ASB3: variants seen among roughly 807,000 people sequenced by gnomAD.
ASB3 encodes the protein ankyrin repeat and SOCS box protein 3.
ASB3 carries 41 observed loss-of-function variants against 54.5 expected under a neutral mutation model. The ratio of observed to expected loss-of-function variants is 0.75; its 90% CI spans 0.59 to 0.98. The LOEUF is 0.98. ASB3 is among the 50% of genes least tolerant of loss of function. ASB3 has a pLI of 0.00. For missense variants in ASB3, 733 were observed against 620.0 expected, an observed-to-expected ratio of 1.18 and a Z score of -1.94; for synonymous variants, 266 against 221.2, an observed-to-expected ratio of 1.20 and a Z score of -1.80.
In ASB3 at chr2:53,685,732, T is replaced by C. The variant is rs181422470; in HGVS notation, c.1369+8152A>G. Among the ~76,000 whole-genome samples, 8 of 152,282 alleles carry C rather than the reference T, an allele frequency of 5.3e-5. No individual in the cohort carries two copies. The East Asian group carries it at 1.3e-3, about 26-fold the overall frequency. Reference sequence around the variant, plus strand: ...AGATGAATTCTGCACCAACTATGAATCTCTATCCAAAAAACATGAACCATG... The same window carrying C: ...AGATGAATTCTGCACCAACTATGAACCTCTATCCAAAAAACATGAACCATG... On this transcript the variant is annotated intron_variant, in intron 9 of 9. Coordinates refer to ENST00000263634, the MANE Select transcript of ASB3 (RefSeq NM_016115.5).
At chr2:53,784,242 C>T (rs2692534) in intron 1 of ASB3, among the ~76,000 whole-genome samples, 50,994 of 151,954 alleles carry the variant, frequency 0.34, 8,788 homozygotes, top group South Asian at 0.49. Context: ...AAGACTTGTA[C>T]TGATTGATGT....
At chr2:53,774,433 C>T in intron 1 of ASB3, 1 of 1,610,834 alleles carries the variant, frequency 6.2e-7, no homozygotes, top group Non-Finnish European at 8.5e-7. Context: ...TATTAGGAAC[C>T]TTGTGCCAGA....
At chr2:53,717,668 G>A (rs113505839) in intron 5 of ASB3, among the ~76,000 whole-genome samples, 22 of 152,188 alleles carry the variant, frequency 1.4e-4, no homozygotes, top group African/African-American at 4.1e-4. Flanking sequence ...GATCACAGTC[G>A]TGTTCCCGCA....
intron 1 of ASB3, among the ~76,000 whole-genome samples, chr2:53,784,900 C>T (rs917789117): frequency 6.6e-6 from 1 of 152,188 alleles, no homozygotes; most frequent in Non-Finnish European, 1.5e-5. Flanking sequence ...ATCAATTTTC[C>T]ACACAGCAGC....
chr2:53,760,386 A>C (rs1239952662), intron 2 of ASB3, among the ~76,000 whole-genome samples: 1 of 152,118 alleles, frequency 6.6e-6, no homozygotes, highest in Non-Finnish European at 1.5e-5. Flanking sequence ...GGGTCACCAG[A>C]AAGAAAAGAA....
In ASB3 at chr2:53,670,526, G is replaced by T. The variant is rs185364119; in HGVS notation, c.1534C>A (p.Leu512Met). 8.9e-5 allele frequency: 143 copies of T among 1,613,694 alleles called. No individual in the cohort carries two copies. In the East Asian group the frequency reaches 3.1e-3, roughly 34 times the overall value. ...ATTTATCCATCTTGAATAGCTGCCA[G>T]TTCTGGAACTTCATACATCCTCAGA... ...DVLRMYEVPE[L>M]AAIQDG is the part of the protein sequence containing the mutation. Residue 512 changes from leucine to methionine, a missense_variant, in exon 10 of 10, where the codon CTG becomes ATG. Leu to Met is a conservative substitution (Grantham distance 15, BLOSUM62 2). Coordinates refer to ENST00000263634, the MANE Select transcript of ASB3 (RefSeq NM_016115.5).
At chr2:53,695,013 C>G (rs186153081) in intron 8 of ASB3, among the ~76,000 whole-genome samples, 7 of 151,616 alleles carry the variant, frequency 4.6e-5, no homozygotes, top group African/African-American at 1.7e-4. Context: ...TTCAATTAGA[C>G]CCCCCCTACC....
chr2:53,751,051 T>C (rs1672484648), intron 2 of ASB3, 110 bp from the exon 3 acceptor site: 2 of 1,254,464 alleles, frequency 1.6e-6, no homozygotes, highest in Non-Finnish European at 2.1e-6. Flanking sequence ...GTAAGTAATG[T>C]ATAAATGACA....
At chr2:53,777,286 CATT>C (rs1209175029) in intron 1 of ASB3, among the ~76,000 whole-genome samples, 2 of 152,190 alleles carry the variant, frequency 1.3e-5, no homozygotes, top group Admixed American at 6.5e-5. Context: ...ACCACCCAAT[CATT>C]ATAGTATCAA....
intron 2 of ASB3, among the ~76,000 whole-genome samples, chr2:53,758,584 C>T (rs1422566138): frequency 6.6e-6 from 1 of 152,176 alleles, no homozygotes; most frequent in East Asian, 1.9e-4. Flanking sequence ...ATTGGGCATG[C>T]TGGTAAAGGA....
intron 8 of ASB3, among the ~76,000 whole-genome samples, chr2:53,695,107 T>C (rs1367186829): frequency 1.3e-5 from 2 of 152,116 alleles, no homozygotes; most frequent in African/African-American, 2.4e-5. Flanking sequence ...GTCACCTCTT[T>C]GGAGGTATTA....
At chr2:53,711,672 G>A (rs1424981922) in intron 7 of ASB3, among the ~76,000 whole-genome samples, 3 of 152,154 alleles carry the variant, frequency 2.0e-5, no homozygotes, top group Non-Finnish European at 4.4e-5. Context: ...TACTTGGGTG[G>A]CTGAGACAAG....
Position 53,700,155 on chromosome 2 carries a change from C to T in ASB3, c.1238+116G>A, listed in dbSNP as rs187962059. 65 of 1,471,830 alleles carry T rather than the reference C, an allele frequency of 4.4e-5. 1 individual carries two copies. The African/African-American group carries it at 7.6e-4, about 17-fold the overall frequency. 91.2% of individuals were successfully genotyped at this position (1,471,830 alleles called of 1,614,324 possible). A position where few individuals can be genotyped will look rare whatever the true frequency, so the allele number is the denominator to read the frequency against. On this transcript the variant is annotated intron_variant, in intron 8 of 9. Coordinates refer to ENST00000263634, the MANE Select transcript of ASB3 (RefSeq NM_016115.5). ...CACCAACTCCTTCACCCCAATTCAGCCATCACAGTCAAAACACAGATACCC... is the reference window on the plus strand; with the variant it reads ...CACCAACTCCTTCACCCCAATTCAGTCATCACAGTCAAAACACAGATACCC...
chr2:53,775,369 A>G (rs1674261121), intron 1 of ASB3, among the ~76,000 whole-genome samples: 1 of 152,110 alleles, frequency 6.6e-6, no homozygotes, highest in African/African-American at 2.4e-5. Flanking sequence ...ATACATATAT[A>G]TACATATAAA....
chr2:53,751,164 C>A (rs113893647), intron 2 of ASB3, among the ~76,000 whole-genome samples: 5 of 152,250 alleles, frequency 3.3e-5, no homozygotes, highest in Admixed American at 3.3e-4. Flanking sequence ...TGTCCACTAG[C>A]TCCCATTTTC....
intron 8 of ASB3, among the ~76,000 whole-genome samples, chr2:53,694,750 C>A (rs889292007): frequency 6.6e-6 from 1 of 151,982 alleles, no homozygotes; most frequent in Non-Finnish European, 1.5e-5. Flanking sequence ...AAACAGGTTG[C>A]CTGAATTATT....
chr2:53,680,378 T>G (rs1427500449), intron 9 of ASB3, among the ~76,000 whole-genome samples: 4 of 152,206 alleles, frequency 2.6e-5, no homozygotes, highest in Non-Finnish European at 4.4e-5. Flanking sequence ...TAAGTGTTTC[T>G]TTTTCTATGC....
chr2:53,732,466 A>G (rs1368326756), intron 3 of ASB3, among the ~76,000 whole-genome samples: 1 of 152,208 alleles, frequency 6.6e-6, no homozygotes, highest in Non-Finnish European at 1.5e-5. Context: ...CCAGTCCATG[A>G]CTTGAAGATT....
At chr2:53,693,732 C>A in intron 9 of ASB3, 152 bp downstream of exon 9, 1 of 1,075,940 alleles carries the variant, frequency 9.3e-7, no homozygotes, top group Non-Finnish European at 1.3e-6. Flanking sequence ...CTAGCCATCC[C>A]CTAACAACCC....
Sources: allele counts gnomAD v4.1 joint callset (sites outside exome capture counted in the v4.1 genomes callset), GRCh38; gene constraint gnomAD v4.1.1; transcripts MANE v1.5; gene names NCBI Gene and HGNC (gene_info 2026-07-23, HGNC 2026-07-21).